The following ABCC1 variants were observed in gnomAD, a reference collection of about 807,000 sequenced individuals.
ABCC1 encodes multidrug resistance-associated protein 1.
A neutral mutation model predicts 172.9 loss-of-function variants in ABCC1; 83 were observed. The observed-to-expected ratio is 0.48, with a 90% CI of 0.40 to 0.58. ABCC1 has a LOEUF of 0.58. Ranked by LOEUF, ABCC1 falls within the 20% of genes least tolerant of loss-of-function variation. The pLI is 0.00. For missense variants in ABCC1, 1,817 were observed against 2,002.7 expected (o/e 0.91, Z 1.77); for synonymous variants, 937 against 825.2 (o/e 1.14, Z -2.32).
rs371218567 is a variant in ABCC1, at chr16:16,138,488, C to T, written c.4417C>T (p.Arg1473Trp). The T allele has an allele frequency of 3.7e-5, 59 of 1,613,182 alleles. 1 individual carries two copies. The highest frequency in any genetic ancestry group is 4.5e-5 in the East Asian group (2 of 44,832). The change falls in exon 30 of 31, where the codon CGG (arginine) becomes TGG (tryptophan). Residue 1473 changes from arginine to tryptophan, a missense_variant. This residue lies in a region of ABCC1 where 1,412 missense variants were observed against 1,600.3 expected (regional missense o/e 0.88). Coordinates refer to ENST00000399410, the MANE Select transcript of ABCC1 (RefSeq NM_004996.4). ...ETDDLIQSTI[R>W]TQFEDCTVLT... ...GGACGACCTCATCCAGTCCACCATC[C>T]GGACACAGTTCGAGGACTGCACCGT...
intron 13 of ABCC1, among the ~76,000 whole-genome samples, chr16:16,070,681 A>C (rs1204770859): frequency 6.6e-6 from 1 of 152,108 alleles, no homozygotes; most frequent in Non-Finnish European, 1.5e-5. Flanking sequence ...GAACAAAAAA[A>C]CCCAAAACAT....
chr16:16,091,702 G>A (rs1256445918), intron 19 of ABCC1, among the ~76,000 whole-genome samples: 1 of 152,170 alleles, frequency 6.6e-6, no homozygotes, highest in African/African-American at 2.4e-5. Flanking sequence ...GACGTGGGGG[G>A]CAGGAGAAGA....
At chr16:16,039,496 T>C (rs546054676) in intron 7 of ABCC1, among the ~76,000 whole-genome samples, 1 of 152,036 alleles carries the variant, frequency 6.6e-6, no homozygotes, top group South Asian at 2.1e-4. Flanking sequence ...CTTAAACTTC[T>C]AATCTCAAGT....
Position 16,106,759 on chromosome 16 carries a change from C to A in ABCC1, c.2757C>A (p.Ser919=). 1 of 1,614,094 alleles carries A rather than the reference C, an allele frequency of 6.2e-7. No individual in the cohort carries two copies. Among genetic ancestry groups the A allele is most frequent in the Non-Finnish European group, 8.5e-7 (1 of 1,180,030 alleles). ...CCAGACAGCTCAGCAGCTCCTCCTC[C>A]TATAGTGGGGACATCAGCAGGCACC... ...QLQRQLSSSS[S]YSGDISRHHN... The change falls in exon 21 of 31, where the codon TCC becomes TCA. Residue 919 remains serine, a synonymous_variant. Coordinates refer to ENST00000399410, the MANE Select transcript of ABCC1 (RefSeq NM_004996.4).
At chr16:16,127,222 G>A (rs889784438) in intron 26 of ABCC1, among the ~76,000 whole-genome samples, 35 of 152,032 alleles carry the variant, frequency 2.3e-4, no homozygotes, top group East Asian at 3.9e-4. Flanking sequence ...TCTTTACCCC[G>A]CTCTATGACT....
At chr16:15,960,361 C>T (rs770549924) in intron 1 of ABCC1, among the ~76,000 whole-genome samples, 1 of 152,070 alleles carries the variant, frequency 6.6e-6, no homozygotes, top group Non-Finnish European at 1.5e-5. Flanking sequence ...TGAGCCACCA[C>T]GCCCAGCCTC....
chr16:15,978,066 G>A (rs2046532311), intron 1 of ABCC1, among the ~76,000 whole-genome samples: 1 of 152,128 alleles, frequency 6.6e-6, no homozygotes, highest in South Asian at 2.1e-4. Context: ...TCTTCACAAT[G>A]TCTCTGATGA....
chr16:16,134,349 G>C lies in ABCC1; in HGVS notation c.3967-1G>C, dbSNP rs774228080. 3 of 1,614,114 alleles carry C rather than the reference G, an allele frequency of 1.9e-6. No individual in the cohort carries two copies. Among genetic ancestry groups the C allele is most frequent in the Non-Finnish European group, 1.7e-6 (2 of 1,180,042 alleles). ...CACACCTGGGCCCTTCTGTCCTGCA[G>C]GTCGGCATCGTGGGGCGGACGGGAG... On this transcript the variant is annotated splice_acceptor_variant, in intron 27 of 30. Transcript: ENST00000399410. LOFTEE classifies it high-confidence loss of function.
chr16:15,980,513 G>A (rs530039095), intron 1 of ABCC1, among the ~76,000 whole-genome samples: 1 of 152,256 alleles, frequency 6.6e-6, no homozygotes, highest in South Asian at 2.1e-4. Context: ...GGAAGGAGAA[G>A]TGCTGAGCAA....
intron 15 of ABCC1, among the ~76,000 whole-genome samples, chr16:16,076,760 G>GT (rs1272917867): frequency 6.6e-6 from 1 of 152,130 alleles, no homozygotes; most frequent in Non-Finnish European, 1.5e-5. Context: ...TATTTTCTGT[G>GT]TTTCACTTTC....
rs765097934 is a variant in ABCC1 at position 16,131,906 on chromosome 16, A to G, written c.3937A>G (p.Ile1313Val). Reference protein sequence around the residue: ...REDLDFVLRHINVTINGGEKV... With the variant: ...REDLDFVLRHVNVTINGGEKV... ...GGACCTGGACTTCGTTCTCAGGCAC[A>G]TCAATGTCACGATCAATGGGGGAGA... Residue 1313 changes from isoleucine to valine, a missense_variant, in exon 27 of 31, where the codon ATC becomes GTC. By Grantham distance (29) the Ile-to-Val change is conservative. This residue lies in a region of ABCC1 where 1,412 missense variants were observed against 1,600.3 expected (regional missense o/e 0.88). Transcript: ENST00000399410. 5.0e-6 allele frequency: 8 copies of G among 1,614,084 alleles called. No homozygotes were observed. The East Asian group carries it at 1.6e-4, about 31-fold the overall frequency.
rs1314758903 is a variant in ABCC1, at chr16:16,016,498, T to A, written c.492T>A (p.Asp164Glu). 3.1e-6 allele frequency: 5 copies of A among 1,613,966 alleles called. No homozygotes were observed. The highest frequency in any genetic ancestry group is 4.2e-6 in the Non-Finnish European group (5 of 1,180,006). ...RSKIMTALKEDAQVDLFRDIT... is the reference protein window; with the variant it reads ...RSKIMTALKEEAQVDLFRDIT... ...TTCCTTCCTTCCCCACCATGTAGGA[T>A]GCCCAGGTGGACCTGTTTCGTGACA... Residue 164 changes from aspartate (D) to glutamate (E), a missense_variant and splice_region_variant, in exon 5 of 31, where the codon GAT becomes GAA. Asp to Glu is a conservative substitution (Grantham distance 45). This residue lies in a region of ABCC1 where 398 missense variants were observed against 384.2 expected (regional missense o/e 1.04). Coordinates refer to ENST00000399410, the MANE Select transcript of ABCC1 (RefSeq NM_004996.4).
chr16:16,042,181 T>G (rs1301709146), intron 7 of ABCC1, among the ~76,000 whole-genome samples: 6 of 151,670 alleles, frequency 4.0e-5, no homozygotes, highest in African/African-American at 7.3e-5. Context: ...CAGTTTTTTT[T>G]TTTTTTTTTT....
At chr16:16,035,654 C>T (rs1162379114) in intron 6 of ABCC1, among the ~76,000 whole-genome samples, 2 of 151,598 alleles carry the variant, frequency 1.3e-5, no homozygotes, top group South Asian at 2.1e-4. Flanking sequence ...TCATGACTGG[C>T]TAATTTTTTT....
intron 28 of ABCC1, among the ~76,000 whole-genome samples, chr16:16,136,254 C>G (rs2045913193): frequency 6.6e-6 from 1 of 152,034 alleles, no homozygotes; most frequent in African/African-American, 2.4e-5. Context: ...GAACTCCTGA[C>G]CTTAAGTGAT....
chr16:16,040,198 C>T (rs1364282845), intron 7 of ABCC1, among the ~76,000 whole-genome samples: 1 of 152,036 alleles, frequency 6.6e-6, no homozygotes, highest in Non-Finnish European at 1.5e-5. Context: ...CGGGCTCAAG[C>T]AGTCCTCCCA....
At chr16:16,077,487 C>T (rs964806184) in intron 15 of ABCC1, among the ~76,000 whole-genome samples, 3 of 151,984 alleles carry the variant, frequency 2.0e-5, no homozygotes, top group African/African-American at 7.3e-5. Flanking sequence ...CCCCCAGAAC[C>T]TTTCTCTAAC....
chr16:16,104,745 C>T (rs145883517), intron 20 of ABCC1, among the ~76,000 whole-genome samples: 3,381 of 152,236 alleles, frequency 0.022, 57 homozygotes, highest in Non-Finnish European at 0.033. Flanking sequence ...AGGCTCGGGC[C>T]GCGCAGGAGC....
chr16:16,109,693 TC>T (rs2052302912), intron 21 of ABCC1, among the ~76,000 whole-genome samples: 1 of 152,106 alleles, frequency 6.6e-6, no homozygotes, highest in East Asian at 1.9e-4. Context: ...GGAAAGAAAC[TC>T]CAACCTTCAC....
Sources: gnomAD v4.1 joint callset for allele counts (sites outside exome capture counted in the v4.1 genomes callset) on GRCh38, gnomAD v4.1.1 for gene constraint, gnomAD v4.1.1 regional missense constraint, MANE v1.5 for transcripts, NCBI Gene and HGNC (gene_info 2026-07-23, HGNC 2026-07-21) for gene names.